The following ACTR3C variants were observed in gnomAD, a reference collection of about 807,000 sequenced individuals.
ACTR3C encodes actin-related protein 3C.
In ACTR3C, 18 loss-of-function variants were observed where a neutral mutation model predicts 26.3. The ratio of observed to expected loss-of-function variants is 0.68; its 90% confidence interval spans 0.47 to 1.01. The LOEUF is 1.01. ACTR3C is among the 50% of genes least tolerant of loss of function. ACTR3C has a pLI of 0.00. For missense variants in ACTR3C, 184 were observed against 250.7 expected (o/e 0.73, Z 1.80); for synonymous variants, 55 against 94.5 (o/e 0.58, Z 2.42).
the ACTR3C span, among the ~76,000 whole-genome samples, chr7:149,930,922 G>C: frequency 1.3e-5 from 2 of 152,200 alleles, no homozygotes; most frequent in Non-Finnish European, 2.9e-5. Context: ...CTAGAGTGTA[G>C]TGATGCAATC....
the ACTR3C span, among the ~76,000 whole-genome samples, chr7:149,911,524 A>T: frequency 6.6e-6 from 1 of 152,266 alleles, no homozygotes; most frequent in African/African-American, 2.4e-5. Context: ...TCATTGTCAA[A>T]CTGCTAGCGG....
the ACTR3C span, among the ~76,000 whole-genome samples, chr7:149,893,671 A>G: frequency 6.6e-6 from 1 of 152,254 alleles, no homozygotes; most frequent in African/African-American, 2.4e-5. Context: ...CCACTAAAAT[A>G]TTTATTGTGG....
the ACTR3C span, among the ~76,000 whole-genome samples, chr7:150,177,408 A>G: frequency 2.0e-5 from 3 of 150,876 alleles, no homozygotes; most frequent in Middle Eastern, 6.8e-3. Context: ...TTGTAGAGAA[A>G]TGAATGTACA....
At chr7:150,259,415 G>A (rs1414253509) in intron 6 of ACTR3C, among the ~76,000 whole-genome samples, 1 of 152,142 alleles carries the variant, frequency 6.6e-6, no homozygotes, top group East Asian at 1.9e-4. Context: ...ACGAATATCT[G>A]ACCCTATGAA....
At chr7:150,136,284 A>G in the ACTR3C span, among the ~76,000 whole-genome samples, 1 of 152,214 alleles carries the variant, frequency 6.6e-6, no homozygotes, top group Non-Finnish European at 1.5e-5. Flanking sequence ...TGGTATTTTC[A>G]GAAACGCCAA....
chr7:149,918,583 G>T, the ACTR3C span, among the ~76,000 whole-genome samples: 3 of 152,090 alleles, frequency 2.0e-5, no homozygotes, highest in Non-Finnish European at 2.9e-5. Context: ...CCAGCTACTC[G>T]GGAGGCTGAG....
the ACTR3C span, among the ~76,000 whole-genome samples, chr7:150,082,646 G>A: frequency 2.6e-5 from 4 of 152,318 alleles, no homozygotes; most frequent in African/African-American, 9.6e-5. Flanking sequence ...GGGCCATACA[G>A]ATCAGGTGTT....
chr7:149,917,899 C>T, the ACTR3C span, among the ~76,000 whole-genome samples: 88,517 of 151,204 alleles, frequency 0.59, 28,525 homozygotes, highest in Non-Finnish European at 0.71. Flanking sequence ...AGCTCTACTC[C>T]CTCTTAAGAT....
the ACTR3C span, among the ~76,000 whole-genome samples, chr7:150,237,993 C>T: frequency 8.2e-4 from 123 of 149,908 alleles, 1 homozygote; most frequent in Middle Eastern, 3.4e-3. Flanking sequence ...AATTCCCACT[C>T]CCCGCATAGT....
the ACTR3C span, among the ~76,000 whole-genome samples, chr7:150,158,662 G>T: frequency 6.6e-6 from 1 of 152,198 alleles, no homozygotes; most frequent in Non-Finnish European, 1.5e-5. Flanking sequence ...GTTGAGGACG[G>T]GTGATCTTGG....
chr7:150,216,370 ATAAAT>A, the ACTR3C span, among the ~76,000 whole-genome samples: 3 of 152,124 alleles, frequency 2.0e-5, no homozygotes, highest in South Asian at 2.1e-4. Flanking sequence ...ATGTGTAAAA[ATAAAT>A]TAAATTATGT....
At chr7:150,025,590 G>A in the ACTR3C span, among the ~76,000 whole-genome samples, 1 of 151,882 alleles carries the variant, frequency 6.6e-6, no homozygotes, top group Non-Finnish European at 1.5e-5. Context: ...TTATGTGAAG[G>A]CTTAGTATAA....
At chr7:150,312,279 CT>C (rs2129615675) in intron 1 of ACTR3C, among the ~76,000 whole-genome samples, 1 of 152,316 alleles carries the variant, frequency 6.6e-6, no homozygotes, top group Non-Finnish European at 1.5e-5. Context: ...AAAATTCATT[CT>C]TCCTTAGCTT....
chr7:149,967,332 G>T, the ACTR3C span, among the ~76,000 whole-genome samples: 1 of 152,058 alleles, frequency 6.6e-6, no homozygotes, highest in Non-Finnish European at 1.5e-5. Context: ...ACGGTGCCTG[G>T]CCGCTAATTT....
At chr7:150,042,533 G>A in the ACTR3C span, among the ~76,000 whole-genome samples, 1 of 148,992 alleles carries the variant, frequency 6.7e-6, no homozygotes, top group African/African-American at 2.5e-5. Flanking sequence ...GTGGTCCCAA[G>A]AGCCAGGGGG....
chr7:149,962,866 C>A, the ACTR3C span, among the ~76,000 whole-genome samples: 1 of 152,138 alleles, frequency 6.6e-6, no homozygotes, highest in Non-Finnish European at 1.5e-5. Context: ...GCCAAACTGC[C>A]CATAGTGGGA....
the ACTR3C span, chr7:149,892,300 T>C: frequency 3.2e-6 from 5 of 1,587,212 alleles, no homozygotes; most frequent in African/African-American, 2.7e-5. Context: ...GGTTTATCGA[T>C]GGCTTCATCT....
the ACTR3C span, among the ~76,000 whole-genome samples, chr7:149,978,257 G>GT: frequency 6.6e-6 from 1 of 152,180 alleles, no homozygotes; most frequent in African/African-American, 2.4e-5. Flanking sequence ...ATGGACATAA[G>GT]TATTTCCCTT....
At chr7:149,929,555 C>G in the ACTR3C span, among the ~76,000 whole-genome samples, 20 of 107,198 alleles carry the variant, frequency 1.9e-4, no homozygotes, top group Admixed American at 1.7e-3. Flanking sequence ...TTTTTTGAGA[C>G]GGAGTCTCGC....
Sources: allele counts gnomAD v4.1 joint callset (sites outside exome capture counted in the v4.1 genomes callset), GRCh38; gene constraint gnomAD v4.1.1; transcripts MANE v1.5; gene names NCBI Gene and HGNC (gene_info 2026-07-23, HGNC 2026-07-21).